Variants in ARID5B observed in about 807,000 individuals in gnomAD.
ARID5B encodes AT-rich interactive domain-containing protein 5B.
ARID5B carries 13 observed loss-of-function variants against 97.2 expected under a neutral mutation model. The observed-to-expected ratio is 0.13, with a 90% CI of 0.09 to 0.21. The LOEUF is 0.21. ARID5B is among the 10% of genes least tolerant of loss of function. The pLI is 1.00. For missense variants in ARID5B, 1,210 were observed against 1,465.3 expected (o/e 0.83, Z 2.84); for synonymous variants, 556 against 570.3 (o/e 0.97, Z 0.36).
intron 3 of ARID5B, among the ~76,000 whole-genome samples, chr10:61,997,643 C>T (rs1184874007): frequency 6.6e-6 from 1 of 152,144 alleles, no homozygotes; most frequent in Non-Finnish European, 1.5e-5. Flanking sequence ...ACAGTATTTA[C>T]TATGTATGGG....
chr10:61,916,993 G>A lies in ARID5B; in HGVS notation c.276+14580G>A, dbSNP rs577195661. Among the ~76,000 whole-genome samples the A allele has an allele frequency of 5.9e-5, 9 of 152,040 alleles. No individual in the cohort carries two copies. In the South Asian group the frequency reaches 1.7e-3, roughly 28 times the overall value. ...ACTGGGGAGCGCACGACTGGTTTGA[G>A]GCATGCCTCTAAAATGTTCCTCTTG... is the stretch of plus-strand genomic sequence containing the variant. On this transcript the variant is annotated intron_variant, in intron 2 of 9. Coordinates refer to ENST00000279873, the MANE Select transcript of ARID5B (RefSeq NM_032199.3).
chr10:62,054,189 A>G (rs1367677360), intron 5 of ARID5B, among the ~76,000 whole-genome samples: 1 of 152,186 alleles, frequency 6.6e-6, no homozygotes, highest in Admixed American at 6.5e-5. Flanking sequence ...AGATCTAGTA[A>G]TTAACTGTCA....
At chr10:61,935,462 G>A (rs1844283615) in intron 2 of ARID5B, among the ~76,000 whole-genome samples, 2 of 152,018 alleles carry the variant, frequency 1.3e-5, no homozygotes, top group South Asian at 4.1e-4. Context: ...GCTTTAAGAA[G>A]CAGCCTCAAA....
At chr10:62,017,782 T>A (rs1398477897) in intron 4 of ARID5B, among the ~76,000 whole-genome samples, 1 of 152,252 alleles carries the variant, frequency 6.6e-6, no homozygotes, top group Non-Finnish European at 1.5e-5. Context: ...ATTGCTTTTT[T>A]TCCCATATGT....
intron 3 of ARID5B, among the ~76,000 whole-genome samples, chr10:61,986,468 T>G (rs988359977): frequency 5.3e-5 from 8 of 152,126 alleles, no homozygotes; most frequent in Admixed American, 3.9e-4. Context: ...GTAATCAACA[T>G]TCGGGTGTGT....
chr10:62,040,407 C>T (rs1839621834), intron 4 of ARID5B, among the ~76,000 whole-genome samples: 1 of 151,936 alleles, frequency 6.6e-6, no homozygotes, highest in Non-Finnish European at 1.5e-5. Context: ...GACTACCCTC[C>T]ATAACAGTGA....
chr10:61,902,463 AG>A (rs749965626), intron 2 of ARID5B, 50 bp downstream of exon 2: 1 of 1,597,878 alleles, frequency 6.3e-7, no homozygotes. Context: ...TTTTCCCCCT[AG>A]TAATGCTTAT....
intron 2 of ARID5B, among the ~76,000 whole-genome samples, chr10:61,932,217 A>G (rs1435464547): frequency 6.6e-6 from 1 of 152,206 alleles, no homozygotes; most frequent in African/African-American, 2.4e-5. Context: ...GTCTAAAAAA[A>G]AAGTACATAC....
chr10:61,974,294 A>G (rs968025719), intron 3 of ARID5B, among the ~76,000 whole-genome samples: 3 of 152,234 alleles, frequency 2.0e-5, no homozygotes, highest in South Asian at 4.1e-4. Flanking sequence ...TTTTAAAACA[A>G]TATCTTCTAG....
chr10:62,035,625 C>G (rs145531946), intron 4 of ARID5B, among the ~76,000 whole-genome samples: 2 of 151,630 alleles, frequency 1.3e-5, no homozygotes, highest in African/African-American at 4.9e-5. Flanking sequence ...CGAGTAGCTG[C>G]GATCACAGGC....
chr10:61,992,775 A>G (rs1349965831), intron 3 of ARID5B, among the ~76,000 whole-genome samples: 1 of 152,126 alleles, frequency 6.6e-6, no homozygotes, highest in African/African-American at 2.4e-5. Context: ...TTATCTTTTT[A>G]TTGCCAGTTC....
At chr10:62,061,688 G>A (rs879833770) in intron 7 of ARID5B, among the ~76,000 whole-genome samples, 1 of 152,184 alleles carries the variant, frequency 6.6e-6, no homozygotes, top group Non-Finnish European at 1.5e-5. Flanking sequence ...TTCTGGTACT[G>A]TGTGGGCGCC....
At chr10:61,976,291 G>T (rs1055181514) in intron 3 of ARID5B, among the ~76,000 whole-genome samples, 8 of 152,104 alleles carry the variant, frequency 5.3e-5, no homozygotes, top group Non-Finnish European at 1.2e-4. Context: ...TTATATTGCC[G>T]CATGCAGCTA....
chr10:61,993,289 G>C (rs1838952573), intron 3 of ARID5B, among the ~76,000 whole-genome samples: 2 of 152,150 alleles, frequency 1.3e-5, no homozygotes, highest in Admixed American at 1.3e-4. Context: ...GCAGGACACA[G>C]TACACATTTA....
At chr10:61,966,431 G>C (rs938826213) in intron 3 of ARID5B, among the ~76,000 whole-genome samples, 75 of 152,028 alleles carry the variant, frequency 4.9e-4, no homozygotes, top group Non-Finnish European at 9.4e-4. Context: ...GTAAGGAATT[G>C]CAAAAATTCA....
chr10:62,035,266 A>G (rs1234294288), intron 4 of ARID5B, among the ~76,000 whole-genome samples: 1 of 152,184 alleles, frequency 6.6e-6, no homozygotes, highest in East Asian at 1.9e-4. Flanking sequence ...TTTAACAAAC[A>G]TTTACCAGAC....
intron 3 of ARID5B, among the ~76,000 whole-genome samples, chr10:61,953,774 G>A (rs1254616733): frequency 6.6e-6 from 1 of 152,158 alleles, no homozygotes; most frequent in Non-Finnish European, 1.5e-5. Context: ...GGAAGATTAC[G>A]TTAGATCATC....
In ARID5B at chr10:62,000,831, T is replaced by TAATA. The variant is rs138581562; in HGVS notation, c.733+510_733+511insAATA. ...TACAGTAGATAGACACGTAGAGAGA[T>TAATA]GATAGATAGATAGATAGATAGATAG... On this transcript the variant is annotated intron_variant, in intron 4 of 9. Coordinates refer to ENST00000279873, the MANE Select transcript of ARID5B (RefSeq NM_032199.3). This position sits in a 1 kb window ranked among gnomAD's most constrained non-coding sequence, Gnocchi z 4.4. 6.7e-6 allele frequency among the ~76,000 whole-genome samples: 1 copy of TAATA among 148,508 alleles called. No individual in the cohort carries two copies. Among genetic ancestry groups the TAATA allele is most frequent in the Non-Finnish European group, 1.5e-5 (1 of 67,152 alleles).
At chr10:62,080,969 C>T (rs1344752357) in intron 8 of ARID5B, among the ~76,000 whole-genome samples, 6 of 152,002 alleles carry the variant, frequency 3.9e-5, no homozygotes, top group Admixed American at 1.3e-4. Flanking sequence ...ATTACAGGCA[C>T]GTACCACCAT....
Sources: gnomAD v4.1 joint callset for allele counts (sites outside exome capture counted in the v4.1 genomes callset) on GRCh38, gnomAD v4.1.1 for gene constraint, Gnocchi (gnomAD v3.1) non-coding constraint, MANE v1.5 for transcripts, NCBI Gene and HGNC (gene_info 2026-07-23, HGNC 2026-07-21) for gene names.